The following RCBTB2 variants were observed in gnomAD, a reference collection of about 807,000 sequenced individuals.
RCBTB2 encodes the protein RCC1 and BTB domain-containing protein 2.
RCBTB2 carries 55 observed loss-of-function variants against 65.4 expected under a neutral mutation model. The observed-to-expected ratio is 0.84, with a 90% CI of 0.68 to 1.05. RCBTB2 has a LOEUF of 1.05. RCBTB2 is among the 50% of genes least tolerant of loss of function. The probability of loss-of-function intolerance (pLI) is 0.00; values close to 1 mark genes in which losing one functional copy is unlikely to be tolerated. For synonymous variants in RCBTB2, 220 were observed against 255.2 expected (o/e 0.86, Z 1.31); for missense variants, 599 against 680.1 (o/e 0.88, Z 1.33).
upstream of RCBTB2, among the ~76,000 whole-genome samples, chr13:48,535,501 C>A (rs577052533): frequency 6.6e-6 from 1 of 152,290 alleles, no homozygotes; most frequent in South Asian, 2.1e-4. Flanking sequence ...GGTGATCTAT[C>A]CACCTCAGCC....
chr13:48,511,710 T>C lies in RCBTB2; in HGVS notation c.783+60A>G, dbSNP rs549317362. ...CCAACAAATCTATGTTTTTAATACA[T>C]TGATATCTTTGCCAGCGAAGACTTA... On this transcript the variant is annotated intron_variant, in intron 9 of 14. Coordinates refer to ENST00000344532, the MANE Select transcript of RCBTB2 (RefSeq NM_001268.4). The C allele has an allele frequency of 3.5e-5, 49 of 1,397,184 alleles. No individual in the cohort carries two copies. In the South Asian group the frequency reaches 5.3e-4, roughly 15 times the overall value. The allele number at this position is 1,397,184 out of a possible 1,614,324, so 86.5% of individuals were successfully genotyped here.
chr13:48,522,651 T>A (rs1421386303), intron 2 of RCBTB2, among the ~76,000 whole-genome samples: 1 of 152,198 alleles, frequency 6.6e-6, no homozygotes, highest in East Asian at 1.9e-4. Context: ...CATTATGTAG[T>A]TAACGATTTC....
upstream of RCBTB2, among the ~76,000 whole-genome samples, chr13:48,534,425 GGC>G (rs1300033278): frequency 2.0e-5 from 3 of 152,122 alleles, no homozygotes; most frequent in African/African-American, 7.2e-5. Context: ...TTACAGATAA[GGC>G]AACTCAGGCC....
chr13:48,516,201 G>C (rs962492496), intron 4 of RCBTB2, among the ~76,000 whole-genome samples: 2 of 152,142 alleles, frequency 1.3e-5, no homozygotes. Context: ...GAAATGGTCC[G>C]AAGTTTTAGT....
At chr13:48,532,491 C>T (rs1217295359) in intron 1 of RCBTB2, 1 of 153,402 alleles carries the variant, frequency 6.5e-6, no homozygotes, top group African/African-American at 2.4e-5. Context: ...GAAATGAAAA[C>T]ATCGGCAACA....
chr13:48,523,195 T>C (rs1368509020), intron 2 of RCBTB2, among the ~76,000 whole-genome samples: 1 of 152,228 alleles, frequency 6.6e-6, no homozygotes, highest in African/African-American at 2.4e-5. Flanking sequence ...ATATTATCTA[T>C]GGCATCTTAG....
intron 6 of RCBTB2, 36 bp from the exon 7 acceptor site, chr13:48,512,931 A>T: frequency 6.4e-7 from 1 of 1,562,088 alleles, no homozygotes; most frequent in Non-Finnish European, 8.8e-7. Flanking sequence ...GTTTTTTACA[A>T]CATCTACTTC....
chr13:48,496,631 C>T (rs544514626), intron 13 of RCBTB2, among the ~76,000 whole-genome samples: 1 of 151,502 alleles, frequency 6.6e-6, no homozygotes, highest in East Asian at 1.9e-4. Flanking sequence ...CCTGCAATCT[C>T]AATGTCAGCT....
intron 10 of RCBTB2, among the ~76,000 whole-genome samples, chr13:48,508,938 G>A (rs1021768435): frequency 6.6e-6 from 1 of 152,202 alleles, no homozygotes; most frequent in African/African-American, 2.4e-5. Flanking sequence ...GGGACCAGCA[G>A]TGCAATGCAG....
At chr13:48,496,809 G>GGGAGGGGAGA (rs1305817887) in intron 13 of RCBTB2, among the ~76,000 whole-genome samples, 1 of 133,506 alleles carries the variant, frequency 7.5e-6, no homozygotes, top group African/African-American at 2.8e-5. Flanking sequence ...GGGAGAGGAG[G>GGGAGGGGAGA]GGAGGGGAGA....
intron 14 of RCBTB2, among the ~76,000 whole-genome samples, chr13:48,493,315 A>ACACACACACT (rs759504798): frequency 1.0e-3 from 76 of 75,080 alleles, no homozygotes; most frequent in Non-Finnish European, 1.6e-3. Flanking sequence ...ACACACACAC[A>ACACACACACT]CTCTCTCTCT....
chr13:48,526,852 G>T (rs1951765214), intron 1 of RCBTB2, among the ~76,000 whole-genome samples: 1 of 151,912 alleles, frequency 6.6e-6, no homozygotes, highest in African/African-American at 2.4e-5. Flanking sequence ...GGAGGCAGAG[G>T]TTACAGTGAT....
At chr13:48,500,539 TAGAG>T (rs1275629093) in intron 12 of RCBTB2, among the ~76,000 whole-genome samples, 1 of 151,884 alleles carries the variant, frequency 6.6e-6, no homozygotes, top group Non-Finnish European at 1.5e-5. Context: ...GCCTGGGCAA[TAGAG>T]AAAGACTCTG....
Position 48,501,823 on chromosome 13 carries a change from A to G in RCBTB2, c.1163T>C (p.Phe388Ser). The G allele has an allele frequency of 1.2e-6, 2 of 1,614,042 alleles. No individual in the cohort carries two copies. The highest frequency in any genetic ancestry group is 1.7e-6 in the Non-Finnish European group (2 of 1,179,870). ...CAGGTCTGCAGTGTCCGGGTTGTCA[A>G]ATTCCCTCTTCAGTGACTCAGCCAC... ...LTVAESLKRE[F>S]DNPDTADLKF... The change falls in exon 12 of 15, where the codon TTT (phenylalanine) becomes TCT (serine). Residue 388 changes from phenylalanine to serine, a missense_variant. Phe to Ser is a radical substitution (Grantham distance 155, BLOSUM62 -2). Transcript: ENST00000344532.
intron 12 of RCBTB2, among the ~76,000 whole-genome samples, chr13:48,500,887 C>A (rs1950205022): frequency 6.6e-6 from 1 of 152,208 alleles, no homozygotes; most frequent in South Asian, 2.1e-4. Context: ...AAACGCTGCA[C>A]AGCTTGATCT....
In RCBTB2 at chr13:48,510,791, C is replaced by T. The variant is rs1359848889; in HGVS notation, c.784-20G>A. The T allele has an allele frequency of 1.2e-6, 2 of 1,604,674 alleles. No homozygotes were observed. The highest frequency in any genetic ancestry group is 2.2e-5 in the East Asian group (1 of 44,686). On this transcript the variant is annotated intron_variant, in intron 9 of 14. Transcript: ENST00000344532. ...GGCGACCTGGAAGGAAAAAAATCCACTCAGGACTGCAAATATAAGTAATTA... is the reference window on the plus strand; with the variant it reads ...GGCGACCTGGAAGGAAAAAAATCCATTCAGGACTGCAAATATAAGTAATTA...
At chr13:48,498,623 G>A (rs1240091258) in intron 13 of RCBTB2, among the ~76,000 whole-genome samples, 2 of 152,066 alleles carry the variant, frequency 1.3e-5, no homozygotes, top group African/African-American at 2.4e-5. Context: ...CCAGCTACTC[G>A]AGAGGCTGAG....
Position 48,489,989 on chromosome 13 carries a change from G to A in RCBTB2, c.*122C>T, listed in dbSNP as rs1949629552. On this transcript the variant is annotated 3_prime_UTR_variant, in exon 15 of 15. Coordinates refer to ENST00000344532, the MANE Select transcript of RCBTB2 (RefSeq NM_001268.4). ...GACCACTCACCACCATCCTTCTTCT[G>A]ACAGTTACAAGTACTCAGCCAAACA... is the stretch of plus-strand genomic sequence containing the variant. 1 of 1,061,980 alleles carries A rather than the reference G, an allele frequency of 9.4e-7. No individual in the cohort carries two copies. Among genetic ancestry groups the A allele is most frequent in the African/African-American group, 1.6e-5 (1 of 62,464 alleles). The allele number at this position is 1,061,980 out of a possible 1,614,324, so 65.8% of individuals were successfully genotyped here.
At chr13:48,495,987 A>ATCCTT (rs9316383) in intron 14 of RCBTB2, among the ~76,000 whole-genome samples, 32,539 of 152,002 alleles carry the variant, frequency 0.21, 9,744 homozygotes, top group African/African-American at 0.67. Context: ...AGAGCTATAA[A>ATCCTT]TCCTTTATGG....
Sources: allele counts gnomAD v4.1 joint callset (sites outside exome capture counted in the v4.1 genomes callset), GRCh38; gene constraint gnomAD v4.1.1; transcripts MANE v1.5; gene names NCBI Gene and HGNC (gene_info 2026-07-23, HGNC 2026-07-21).